Variants in ADAMTS20 observed in about 807,000 individuals in gnomAD.
ADAMTS20 encodes ADAM metallopeptidase with thrombospondin type 1 motif 20.
Under a neutral mutation model 260.1 loss-of-function variants are expected in ADAMTS20, and 225 were observed. The ratio of observed to expected loss-of-function variants is 0.87; its 90% CI spans 0.78 to 0.97. The LOEUF is 0.97. Among genes scored for constraint, ADAMTS20 ranks in the 50% least tolerant of loss-of-function variants. The pLI is 0.00. For missense variants in ADAMTS20, 2,400 were observed against 2,337.7 expected, an observed-to-expected ratio of 1.03 and a Z score of -0.55; for synonymous variants, 802 against 769.5, an observed-to-expected ratio of 1.04 and a Z score of -0.70.
chr12:43,368,958 G>T lies in ADAMTS20; in HGVS notation c.5538+332C>A, dbSNP rs529313242. Among the ~76,000 whole-genome samples, 5 of 152,262 alleles carry T rather than the reference G, an allele frequency of 3.3e-5. No homozygotes were observed. The South Asian group carries it at 1.0e-3, about 32-fold the overall frequency. On this transcript the variant is annotated intron_variant, in intron 37 of 38. Transcript: ENST00000389420. ...CTGATGTCAGCAGAAGTGTATGAAAGTCACATGCTTGTGATCCGTTCCTTT... is the reference window on the plus strand; with the variant it reads ...CTGATGTCAGCAGAAGTGTATGAAATTCACATGCTTGTGATCCGTTCCTTT...
At chr12:43,542,862 T>C (rs979576036) in intron 2 of ADAMTS20, among the ~76,000 whole-genome samples, 1 of 152,166 alleles carries the variant, frequency 6.6e-6, no homozygotes, top group African/African-American at 2.4e-5. Context: ...CTACAGGCTT[T>C]CAGAATTACC....
At chr12:43,358,567 G>A (rs151320276) in intron 37 of ADAMTS20, among the ~76,000 whole-genome samples, 2 of 151,932 alleles carry the variant, frequency 1.3e-5, no homozygotes, top group Non-Finnish European at 2.9e-5. Context: ...GGACGGGCGC[G>A]GTGGCTCACG....
At chr12:43,413,706 CT>C (rs1386841145) in intron 28 of ADAMTS20, among the ~76,000 whole-genome samples, 210 of 152,266 alleles carry the variant, frequency 1.4e-3, no homozygotes, top group African/African-American at 4.9e-3. Context: ...CAAGTTTCTA[CT>C]GATTTTGAAT....
intron 37 of ADAMTS20, among the ~76,000 whole-genome samples, chr12:43,368,313 C>T (rs1298081881): frequency 1.6e-4 from 24 of 152,092 alleles, no homozygotes; most frequent in Admixed American, 1.3e-3. Flanking sequence ...TCATGCTGGG[C>T]GAAGAAACAC....
intron 15 of ADAMTS20, among the ~76,000 whole-genome samples, chr12:43,445,648 C>A (rs1429751127): frequency 6.6e-6 from 1 of 150,454 alleles, no homozygotes; most frequent in African/African-American, 2.5e-5. Context: ...AGTTTGAGAC[C>A]AACCTAGCAA....
intron 31 of ADAMTS20, among the ~76,000 whole-genome samples, chr12:43,379,848 A>G (rs1427415827): frequency 6.6e-6 from 1 of 152,178 alleles, no homozygotes; most frequent in Non-Finnish European, 1.5e-5. Flanking sequence ...AACACTTCAC[A>G]CAAGAAAAGC....
intron 4 of ADAMTS20, among the ~76,000 whole-genome samples, chr12:43,499,442 T>C (rs1942724115): frequency 6.6e-6 from 1 of 152,126 alleles, no homozygotes; most frequent in Admixed American, 6.5e-5. Flanking sequence ...GAACTTTAGT[T>C]ATCTCAAAGT....
At chr12:43,474,347 A>G (rs545974175) in intron 7 of ADAMTS20, among the ~76,000 whole-genome samples, 2 of 149,276 alleles carry the variant, frequency 1.3e-5, no homozygotes, top group Admixed American at 6.7e-5. Flanking sequence ...GCAATAATCA[A>G]TAGTTTACCA....
Position 43,466,636 on chromosome 12 carries a change from A to G in ADAMTS20, c.1367+16T>C, listed in dbSNP as rs373192834. The G allele has an allele frequency of 8.9e-5, 142 of 1,593,488 alleles. No homozygotes were observed. The highest frequency in any genetic ancestry group is 1.2e-4 in the Non-Finnish European group (137 of 1,170,198). ...AATCGAATACATGTTCAATTATTTAACATAAATTTACTTACTCTAGGAATT... is the reference window on the plus strand; with the variant it reads ...AATCGAATACATGTTCAATTATTTAGCATAAATTTACTTACTCTAGGAATT... On this transcript the variant is annotated intron_variant, in intron 9 of 38. Coordinates refer to ENST00000389420, the MANE Select transcript of ADAMTS20 (RefSeq NM_025003.5).
chr12:43,370,909 T>A (rs1373578442), intron 36 of ADAMTS20, among the ~76,000 whole-genome samples: 1 of 152,210 alleles, frequency 6.6e-6, no homozygotes, highest in Non-Finnish European at 1.5e-5. Flanking sequence ...ACTCATCACT[T>A]TTTATCTGAA....
At chr12:43,523,586 T>A (rs939283453) in intron 3 of ADAMTS20, among the ~76,000 whole-genome samples, 1 of 152,182 alleles carries the variant, frequency 6.6e-6, no homozygotes, top group African/African-American at 2.4e-5. Flanking sequence ...TTTAGCTTGC[T>A]GCTGCTAGCA....
At chr12:43,540,774 A>G (rs1943366505) in intron 2 of ADAMTS20, among the ~76,000 whole-genome samples, 3 of 152,144 alleles carry the variant, frequency 2.0e-5, no homozygotes, top group African/African-American at 7.2e-5. Flanking sequence ...TCTTTCAATG[A>G]CTATTAAAAA....
chr12:43,472,124 T>G (rs1177501742), intron 7 of ADAMTS20, among the ~76,000 whole-genome samples: 1 of 145,782 alleles, frequency 6.9e-6, no homozygotes, highest in African/African-American at 2.5e-5. Context: ...GAATAACCAA[T>G]ACAGAGAAGT....
Position 43,434,373 on chromosome 12 carries a change from T to G in ADAMTS20, c.2594-2A>C. On this transcript the variant is annotated splice_acceptor_variant, in intron 18 of 38. Transcript: ENST00000389420. LOFTEE classifies it high-confidence loss of function. ...AAGTTATGTTTCTTCGCTGAAGACC[T>G]TGGCCAAAGTCAAATGAAAATAAAA... 1 of 1,569,572 alleles carries G rather than the reference T, an allele frequency of 6.4e-7. No homozygotes were observed. Among genetic ancestry groups the G allele is most frequent in the African/African-American group, 1.4e-5 (1 of 73,748 alleles).
chr12:43,406,542 T>C (rs1413401214), intron 28 of ADAMTS20, among the ~76,000 whole-genome samples: 2 of 152,106 alleles, frequency 1.3e-5, no homozygotes, highest in Non-Finnish European at 2.9e-5. Flanking sequence ...AGAAATTAGA[T>C]ATTCTGAGAA....
At chr12:43,508,194 A>G (rs1277168387) in intron 3 of ADAMTS20, among the ~76,000 whole-genome samples, 1 of 152,220 alleles carries the variant, frequency 6.6e-6, no homozygotes, top group Non-Finnish European at 1.5e-5. Flanking sequence ...GTCTGAAATG[A>G]GAACACTGAA....
In ADAMTS20 at chr12:43,414,719, T is replaced by A. The variant is rs556560274; in HGVS notation, c.4284+10795A>T. Among the ~76,000 whole-genome samples the A allele has an allele frequency of 1.4e-4, 22 of 152,200 alleles. No homozygotes were observed. In the South Asian group the frequency reaches 4.6e-3, roughly 32 times the overall value. The stretch of plus-strand genomic sequence containing the variant: ...CAAGGATTTGGGGCAACTGGAATTC[T>A]CATACAGCCACTTTAGAAAACTGTC... On this transcript the variant is annotated intron_variant, in intron 28 of 38. Transcript: ENST00000389420.
chr12:43,442,465 T>TCAGG (rs1057156796), intron 16 of ADAMTS20, among the ~76,000 whole-genome samples: 3 of 151,728 alleles, frequency 2.0e-5, no homozygotes, highest in African/African-American at 7.3e-5. Flanking sequence ...GCCATGTTGG[T>TCAGG]CAGGCTGGTC....
intron 3 of ADAMTS20, among the ~76,000 whole-genome samples, chr12:43,524,695 T>C (rs1943117803): frequency 1.3e-5 from 2 of 152,160 alleles, no homozygotes. Context: ...ATGAAAGATA[T>C]ACTTAGGGAA....
Sources: allele counts gnomAD v4.1 joint callset (sites outside exome capture counted in the v4.1 genomes callset), GRCh38; gene constraint gnomAD v4.1.1; transcripts MANE v1.5; gene names NCBI Gene and HGNC (gene_info 2026-07-23, HGNC 2026-07-21).